CLEC16A: variants seen among roughly 807,000 people sequenced by gnomAD.
The protein encoded by CLEC16A is protein CLEC16A.
In CLEC16A, 51 loss-of-function variants were observed where a neutral mutation model predicts 109.5. The ratio of observed to expected loss-of-function variants is 0.47; its 90% CI spans 0.37 to 0.59. The LOEUF (loss-of-function observed/expected upper bound fraction) is 0.59. Among genes scored for constraint, CLEC16A ranks in the 20% least tolerant of loss-of-function variants. CLEC16A has a pLI of 0.00. For synonymous variants in CLEC16A, 673 were observed against 564.2 expected (o/e 1.19, Z -2.73); for missense variants, 1,339 against 1,394.0 (o/e 0.96, Z 0.63).
At chr16:11,113,423 G>A (rs2051736233) in intron 19 of CLEC16A, among the ~76,000 whole-genome samples, 1 of 152,138 alleles carries the variant, frequency 6.6e-6, no homozygotes, top group African/African-American at 2.4e-5. Flanking sequence ...ACTTTGGGAG[G>A]CTGAGGTGGG....
Position 11,014,095 on chromosome 16 carries a change from C to A in CLEC16A, c.1304-6098C>A, listed in dbSNP as rs141424909. 1.4e-4 allele frequency among the ~76,000 whole-genome samples: 21 copies of A among 152,346 alleles called. No homozygotes were observed. In the East Asian group the frequency reaches 4.0e-3, roughly 29 times the overall value. On this transcript the variant is annotated intron_variant, in intron 11 of 23. Transcript: ENST00000409790. ...TATCCTTCCTCCCTTCCACTTAATT[C>A]CTGTCATCTCTTATAGATAACCAAC... is the stretch of plus-strand genomic sequence containing the variant.
In CLEC16A at chr16:11,126,221, C is replaced by A. The variant is rs774529477; in HGVS notation, c.2641+75C>A. 1.2e-5 allele frequency: 19 copies of A among 1,589,788 alleles called. No homozygotes were observed. The African/African-American group carries it at 2.3e-4, about 19-fold the overall frequency. Reference sequence around the variant, plus strand: ...TTCAAGGTCTTTCTCTCTGTGGAGCCTGTGTGAGCTGCCCTTCCTCTCTCA... The same window carrying A: ...TTCAAGGTCTTTCTCTCTGTGGAGCATGTGTGAGCTGCCCTTCCTCTCTCA... On this transcript the variant is annotated intron_variant, in intron 22 of 23. Coordinates refer to ENST00000409790, the MANE Select transcript of CLEC16A (RefSeq NM_015226.3).
intron 19 of CLEC16A, among the ~76,000 whole-genome samples, chr16:11,108,925 A>G (rs1339596047): frequency 6.6e-6 from 1 of 151,946 alleles, no homozygotes; most frequent in Non-Finnish European, 1.5e-5. Flanking sequence ...CCTGGCTAAC[A>G]TGGTGAAACC....
chr16:10,948,438 G>A (rs536595423), intron 1 of CLEC16A, among the ~76,000 whole-genome samples: 12 of 152,324 alleles, frequency 7.9e-5, no homozygotes, highest in Non-Finnish European at 4.4e-5. Flanking sequence ...GAGGTTATTT[G>A]CTACACACCA....
intron 23 of CLEC16A, among the ~76,000 whole-genome samples, chr16:11,175,004 G>A (rs2068689802): frequency 6.6e-6 from 1 of 152,174 alleles, no homozygotes; most frequent in Non-Finnish European, 1.5e-5. Context: ...TTGTCTGCTG[G>A]GAGCCTTTGC....
In CLEC16A at chr16:10,986,305, C is replaced by T. The variant is rs543523347; in HGVS notation, c.1071+3314C>T. ...TCAGCCTCCCAAAGTGCTGAGATTA[C>T]AGGCATGAGCCGGCCTGCTGCATTT... On this transcript the variant is annotated intron_variant, in intron 10 of 23. Coordinates refer to ENST00000409790, the MANE Select transcript of CLEC16A (RefSeq NM_015226.3). 1.3e-3 allele frequency among the ~76,000 whole-genome samples: 196 copies of T among 152,224 alleles called. 2 individuals carry two copies. The highest frequency in any genetic ancestry group is 9.5e-3 in the South Asian group (46 of 4,824).
chr16:11,095,491 G>C (rs1353146426), intron 19 of CLEC16A, among the ~76,000 whole-genome samples: 1 of 152,184 alleles, frequency 6.6e-6, no homozygotes, highest in Non-Finnish European at 1.5e-5. Context: ...CTGAGGGTTT[G>C]CCACAGTGCT....
chr16:11,111,620 G>C (rs1359645570), intron 19 of CLEC16A, among the ~76,000 whole-genome samples: 1 of 152,204 alleles, frequency 6.6e-6, no homozygotes, highest in African/African-American at 2.4e-5. Context: ...TAGTCCGTAA[G>C]AAAATCCATT....
intron 17 of CLEC16A, chr16:11,048,015 A>T (rs2047723673): frequency 6.6e-6 from 1 of 152,266 alleles, no homozygotes; most frequent in South Asian, 2.1e-4. Context: ...TGCCCTTGAC[A>T]CGTGGGGATT....
chr16:11,044,040 G>A lies in CLEC16A; in HGVS notation c.1783G>A (p.Glu595Lys). The change falls in exon 16 of 24, where the codon GAA (glutamate) becomes AAA (lysine). Residue 595 changes from glutamate to lysine, a missense_variant. Physicochemically the swap from Glu to Lys is moderately conservative, Grantham distance 56. This residue lies in a region of CLEC16A where 1,061 missense variants were observed against 1,006.8 expected (regional missense o/e 1.05). Transcript: ENST00000409790. ...HLACLEGARE[E>K]SVHLVRHFYK... ...TCTCTTTTAACAGGGTGCGAGAGAAGAAAGTGTTCACCTTGTACGACATTT... is the reference window on the plus strand; with the variant it reads ...TCTCTTTTAACAGGGTGCGAGAGAAAAAAGTGTTCACCTTGTACGACATTT... 1 of 1,609,140 alleles carries A rather than the reference G, an allele frequency of 6.2e-7. No homozygotes were observed. Among genetic ancestry groups the A allele is most frequent in the South Asian group, 1.1e-5 (1 of 90,486 alleles).
At chr16:11,125,619 A>G (rs990342066) in intron 21 of CLEC16A, among the ~76,000 whole-genome samples, 2 of 152,122 alleles carry the variant, frequency 1.3e-5, no homozygotes, top group Non-Finnish European at 1.5e-5. Flanking sequence ...ACTCGGCCCC[A>G]CTCGCTTGGG....
At position 10,949,414 on chromosome 16, in the gene CLEC16A, G is replaced by T. The variant is rs536420715; in HGVS notation, c.80+4617G>T. Among the ~76,000 whole-genome samples, 7 of 152,230 alleles carry T rather than the reference G, an allele frequency of 4.6e-5. 1 individual carries two copies. The South Asian group carries it at 1.2e-3, about 27-fold the overall frequency. ...CGCTGTTTAAATGGAGACCAACGGG[G>T]TGAGTCGTTGTTACCAGGCAGCGGG... On this transcript the variant is annotated intron_variant, in intron 1 of 23. Transcript: ENST00000409790.
At chr16:10,979,117 A>C (rs1048850737) in intron 8 of CLEC16A, among the ~76,000 whole-genome samples, 1 of 152,178 alleles carries the variant, frequency 6.6e-6, no homozygotes, top group Non-Finnish European at 1.5e-5. Context: ...GGTTTCTCAG[A>C]TGGAAAAATA....
chr16:11,111,971 G>GTT (rs2051618343), intron 19 of CLEC16A, among the ~76,000 whole-genome samples: 1 of 152,256 alleles, frequency 6.6e-6, no homozygotes, highest in Admixed American at 6.5e-5. Context: ...TCCTTTGAAT[G>GTT]TTGTAGCAAA....
chr16:10,949,663 G>A (rs1438075408), intron 1 of CLEC16A, among the ~76,000 whole-genome samples: 1 of 152,184 alleles, frequency 6.6e-6, no homozygotes, highest in African/African-American at 2.4e-5. Context: ...TTCAGACTAT[G>A]AGTGAGAACA....
intron 12 of CLEC16A, among the ~76,000 whole-genome samples, chr16:11,023,937 T>C (rs2046268667): frequency 6.6e-6 from 1 of 152,078 alleles, no homozygotes; most frequent in Non-Finnish European, 1.5e-5. Flanking sequence ...TGTTGAAGAG[T>C]ATTTTTCTGT....
At chr16:11,028,398 A>G (rs1250850722) in intron 13 of CLEC16A, among the ~76,000 whole-genome samples, 1 of 152,160 alleles carries the variant, frequency 6.6e-6, no homozygotes, top group Non-Finnish European at 1.5e-5. Flanking sequence ...GCATTTGTAC[A>G]AGGCTCCCTA....
At chr16:11,017,129 A>T (rs1291320536) in intron 11 of CLEC16A, among the ~76,000 whole-genome samples, 1 of 152,108 alleles carries the variant, frequency 6.6e-6, no homozygotes, top group Non-Finnish European at 1.5e-5. Flanking sequence ...TTGATCACAG[A>T]CTTTGTCGGG....
Position 11,020,308 on chromosome 16 carries a change from G to T in CLEC16A, c.1419G>T (p.Glu473Asp), listed in dbSNP as rs564328177. Residue 473 changes from glutamate (E) to aspartate (D), a missense_variant, in exon 12 of 24, where the codon GAG (glutamate) becomes GAT (aspartate). Around this residue, in one of 3 missense-constraint regions of CLEC16A, gnomAD observed 1,061 missense variants for 1,006.8 expected, o/e 1.05. Coordinates refer to ENST00000409790, the MANE Select transcript of CLEC16A (RefSeq NM_015226.3). ...AAAGCGCCGCCGCCACCTGCTCTGA[G>T]AGCACGCAATGGAGCAGGTAGCTGC... is the stretch of plus-strand genomic sequence containing the variant. ...EEKSAAATCS[E>D]STQWSRPFLD... 4 of 1,612,012 alleles carry T rather than the reference G, an allele frequency of 2.5e-6. No homozygotes were observed. Among genetic ancestry groups the T allele is most frequent in the African/African-American group, 2.7e-5 (2 of 74,996 alleles).
Sources: gnomAD v4.1 joint callset for allele counts (sites outside exome capture counted in the v4.1 genomes callset) on GRCh38, gnomAD v4.1.1 for gene constraint, gnomAD v4.1.1 regional missense constraint, MANE v1.5 for transcripts, NCBI Gene and HGNC (gene_info 2026-07-23, HGNC 2026-07-21) for gene names.